The following MEGF11 variants were observed in gnomAD, a reference collection of about 807,000 sequenced individuals.
MEGF11 encodes the protein multiple EGF like domains 11, also known as multiple epidermal growth factor-like domains protein 11.
Under a neutral mutation model 146.6 loss-of-function variants are expected in MEGF11, and 126 were observed. The ratio of observed to expected loss-of-function variants is 0.86; its 90% CI spans 0.74 to 1.00. MEGF11 has a LOEUF of 1.00. Among genes scored for constraint, MEGF11 ranks in the 50% least tolerant of loss-of-function variants. The probability of loss-of-function intolerance (pLI) is 0.00; values close to 1 mark genes in which losing one functional copy is unlikely to be tolerated. For missense variants in MEGF11, 1,509 were observed against 1,521.2 expected (o/e 0.99, Z 0.13); for synonymous variants, 532 against 583.4 (o/e 0.91, Z 1.27).
At chr15:65,944,178 A>G (rs1022937559) in intron 10 of MEGF11, among the ~76,000 whole-genome samples, 16 of 152,174 alleles carry the variant, frequency 1.1e-4, no homozygotes, top group African/African-American at 3.9e-4. Flanking sequence ...GGAATAGAGT[A>G]GGCACACAGG....
intron 5 of MEGF11, among the ~76,000 whole-genome samples, chr15:66,044,967 T>C (rs2084145619): frequency 6.6e-6 from 1 of 151,068 alleles, no homozygotes. Flanking sequence ...TGGGAGAAAG[T>C]CTTAGCAGTG....
intron 5 of MEGF11, among the ~76,000 whole-genome samples, chr15:66,079,541 C>G (rs1215200344): frequency 2.8e-5 from 4 of 144,428 alleles, no homozygotes; most frequent in African/African-American, 5.2e-5. Context: ...ATTCACACCC[C>G]CCCCCCCAGC....
intron 5 of MEGF11, among the ~76,000 whole-genome samples, chr15:66,065,838 G>C (rs1160342397): frequency 6.6e-6 from 1 of 152,168 alleles, no homozygotes; most frequent in African/African-American, 2.4e-5. Flanking sequence ...CCGGCGAAGT[G>C]GGGGAGCAGT....
intron 24 of MEGF11, among the ~76,000 whole-genome samples, chr15:65,903,279 G>A (rs1436764492): frequency 6.6e-6 from 1 of 152,162 alleles, no homozygotes; most frequent in Non-Finnish European, 1.5e-5. Flanking sequence ...CATCATAAAG[G>A]CGATGGAGAA....
At chr15:66,215,992 C>A (rs951354872) in intron 1 of MEGF11, among the ~76,000 whole-genome samples, 2 of 152,146 alleles carry the variant, frequency 1.3e-5, no homozygotes, top group African/African-American at 2.4e-5. Context: ...GCACATAAAC[C>A]CCACAGATCA....
In MEGF11 at chr15:66,007,751, C is replaced by CAAGAA. The variant is rs138701582; in HGVS notation, c.395-25268_395-25264dup. 5.2e-3 allele frequency among the ~76,000 whole-genome samples: 784 copies of CAAGAA among 151,966 alleles called. 14 individuals carry two copies. Among genetic ancestry groups the CAAGAA allele is most frequent in the African/African-American group, 0.016 (678 of 41,374 alleles). On this transcript the variant is annotated intron_variant, in intron 5 of 25. Coordinates refer to ENST00000395614, the MANE Select transcript of MEGF11 (RefSeq NM_001385028.1). ...TGGGCAACAGAGGTGGACCCTGTCT[C>CAAGAA]AAGAAAAGAAAAGAAAAGAAAAGAA...
chr15:66,123,227 C>T (rs2088140755), intron 3 of MEGF11, among the ~76,000 whole-genome samples: 2 of 152,162 alleles, frequency 1.3e-5, no homozygotes, highest in Admixed American at 1.3e-4. Context: ...GGGCTGCAGA[C>T]AAGGGTACAA....
intron 9 of MEGF11, among the ~76,000 whole-genome samples, chr15:65,962,558 T>G (rs1372976351): frequency 1.3e-5 from 2 of 152,200 alleles, no homozygotes; most frequent in African/African-American, 4.8e-5. Flanking sequence ...ACAAAAACTT[T>G]GTGCCAGGGG....
intron 1 of MEGF11, among the ~76,000 whole-genome samples, chr15:66,186,635 G>A (rs75783167): frequency 0.019 from 2,952 of 152,290 alleles, 110 homozygotes; most frequent in African/African-American, 0.068. Flanking sequence ...ATCACCGAGT[G>A]GTCCTGATCC....
At chr15:66,080,966 T>C (rs1239563265) in intron 5 of MEGF11, among the ~76,000 whole-genome samples, 1 of 152,218 alleles carries the variant, frequency 6.6e-6, no homozygotes, top group Non-Finnish European at 1.5e-5. Flanking sequence ...TCATCTGAAG[T>C]TGCTTTAACC....
chr15:66,103,864 C>T (rs1251227052), intron 4 of MEGF11, among the ~76,000 whole-genome samples: 2 of 152,174 alleles, frequency 1.3e-5, no homozygotes, highest in African/African-American at 4.8e-5. Context: ...AGCACAGACC[C>T]CCAGCCAGAC....
At chr15:66,100,707 A>G (rs1014645941) in intron 4 of MEGF11, among the ~76,000 whole-genome samples, 9 of 152,126 alleles carry the variant, frequency 5.9e-5, no homozygotes, top group African/African-American at 2.2e-4. Context: ...ACTCACTCCC[A>G]AAGCATTTAT....
At chr15:65,969,449 C>T (rs2081229176) in intron 8 of MEGF11, among the ~76,000 whole-genome samples, 1 of 152,160 alleles carries the variant, frequency 6.6e-6, no homozygotes, top group Non-Finnish European at 1.5e-5. Flanking sequence ...ATGCCACACC[C>T]CACGTTCTAT....
At chr15:65,962,016 A>G (rs1433974793) in intron 9 of MEGF11, among the ~76,000 whole-genome samples, 2 of 152,206 alleles carry the variant, frequency 1.3e-5, no homozygotes, top group Admixed American at 1.3e-4. Context: ...TCTTATGTGC[A>G]TATATCAAGT....
chr15:66,146,428 A>G (rs773472058), intron 1 of MEGF11, among the ~76,000 whole-genome samples: 12 of 152,058 alleles, frequency 7.9e-5, no homozygotes, highest in Non-Finnish European at 1.5e-4. Context: ...TGTCTAACTG[A>G]AGTTCCCAGG....
intron 1 of MEGF11, among the ~76,000 whole-genome samples, chr15:66,242,491 T>C (rs1011526272): frequency 9.9e-5 from 5 of 50,552 alleles, no homozygotes; most frequent in African/African-American, 3.9e-4. Flanking sequence ...GGGAGGGAGA[T>C]AGGGAGGGAG....
At chr15:65,943,251 T>A (rs920982464) in intron 10 of MEGF11, among the ~76,000 whole-genome samples, 11 of 152,196 alleles carry the variant, frequency 7.2e-5, no homozygotes, top group Admixed American at 5.9e-4. Flanking sequence ...GTGCTGGGAT[T>A]ACAGGCATGA....
intron 5 of MEGF11, among the ~76,000 whole-genome samples, chr15:66,065,972 T>A (rs2140438612): frequency 6.6e-6 from 1 of 152,258 alleles, no homozygotes; most frequent in South Asian, 2.1e-4. Context: ...CCTTGTGTTC[T>A]TGCAGAGGCA....
intron 5 of MEGF11, among the ~76,000 whole-genome samples, chr15:66,032,370 G>A (rs1049556509): frequency 1.3e-5 from 2 of 152,216 alleles, no homozygotes; most frequent in African/African-American, 4.8e-5. Context: ...AATGTGGAAG[G>A]GTTTGAGGAC....
Sources: gnomAD v4.1 joint callset for allele counts (sites outside exome capture counted in the v4.1 genomes callset) on GRCh38, gnomAD v4.1.1 for gene constraint, MANE v1.5 for transcripts, NCBI Gene and HGNC (gene_info 2026-07-23, HGNC 2026-07-21) for gene names.